AMPH: variants seen among roughly 807,000 people sequenced by gnomAD.
The protein encoded by AMPH is amphiphysin (Stiff-Mann syndrome with breast cancer 128kD autoantigen).
In AMPH, 49 loss-of-function variants were observed where a neutral mutation model predicts 99.1. That is an observed-to-expected ratio of 0.49 (90% CI 0.39 to 0.63). AMPH has a LOEUF of 0.63. AMPH is among the 20% of genes least tolerant of loss of function. AMPH has a pLI of 0.00. For missense variants in AMPH, 759 were observed against 863.4 expected, an observed-to-expected ratio of 0.88 and a Z score of 1.52; for synonymous variants, 314 against 317.3, an observed-to-expected ratio of 0.99 and a Z score of 0.11.
chr7:38,429,984 G>A, intron 13 of AMPH, 119 bp from the exon 14 acceptor site: 1 of 965,114 alleles, frequency 1.0e-6, no homozygotes, highest in Non-Finnish European at 1.5e-6. Context: ...ACTGGTTTAG[G>A]AACAAATTTT....
intron 1 of AMPH, among the ~76,000 whole-genome samples, chr7:38,575,737 G>C (rs908443546): frequency 2.0e-5 from 3 of 152,164 alleles, no homozygotes; most frequent in Non-Finnish European, 4.4e-5. Flanking sequence ...GTCTTGGGCA[G>C]TTCTTTATAG....
chr7:38,392,046 C>G, intron 18 of AMPH, 29 bp from the exon 19 acceptor site: 1 of 1,597,182 alleles, frequency 6.3e-7, no homozygotes, highest in East Asian at 2.2e-5. Flanking sequence ...TGGCGATGCC[C>G]GGCAGGGCCT....
intron 1 of AMPH, among the ~76,000 whole-genome samples, chr7:38,587,819 A>C (rs182263492): frequency 2.6e-5 from 4 of 152,102 alleles, no homozygotes; most frequent in African/African-American, 9.7e-5. Context: ...CCTAACCTAC[A>C]GTATTTACTC....
chr7:38,581,152 G>A (rs1792442562), intron 1 of AMPH, among the ~76,000 whole-genome samples: 1 of 151,982 alleles, frequency 6.6e-6, no homozygotes, highest in South Asian at 2.1e-4. Context: ...AGCTGTGGTT[G>A]GAAAATGAGA....
chr7:38,448,971 A>G (rs1424391851), intron 11 of AMPH, among the ~76,000 whole-genome samples: 1 of 152,154 alleles, frequency 6.6e-6, no homozygotes. Flanking sequence ...GCTTTTACAT[A>G]TATTATGACT....
chr7:38,428,790 A>C (rs1785883923), intron 14 of AMPH: 1 of 459,950 alleles, frequency 2.2e-6, no homozygotes, highest in Non-Finnish European at 4.3e-6. Context: ...TCTGTCACTA[A>C]GTTCTTTTGC....
At chr7:38,516,756 C>T (rs943767387) in intron 2 of AMPH, among the ~76,000 whole-genome samples, 10 of 152,144 alleles carry the variant, frequency 6.6e-5, no homozygotes, top group South Asian at 2.1e-4. Flanking sequence ...CAACACCAGC[C>T]GATGAAAGCA....
intron 5 of AMPH, 71 bp from the exon 6 acceptor site, chr7:38,477,040 C>A: frequency 7.2e-7 from 1 of 1,380,666 alleles, no homozygotes; most frequent in Non-Finnish European, 1.0e-6. Context: ...AGCCAGGTGC[C>A]AAAATGCTTT....
intron 2 of AMPH, among the ~76,000 whole-genome samples, chr7:38,515,205 C>T (rs758738069): frequency 2.6e-5 from 4 of 152,096 alleles, no homozygotes; most frequent in East Asian, 1.9e-4. Flanking sequence ...CCATGCCCAG[C>T]GGACTTTATG....
chr7:38,580,146 T>C (rs371060632), intron 1 of AMPH, among the ~76,000 whole-genome samples: 7 of 152,334 alleles, frequency 4.6e-5, no homozygotes, highest in African/African-American at 1.7e-4. Context: ...TGCTTAATTA[T>C]AAGACTTTTC....
chr7:38,546,198 T>C (rs1215818894), intron 1 of AMPH, among the ~76,000 whole-genome samples: 1 of 152,218 alleles, frequency 6.6e-6, no homozygotes. Flanking sequence ...AGGCTGCCTA[T>C]GTCAGAGCAC....
chr7:38,581,055 T>C (rs1440075858), intron 1 of AMPH, among the ~76,000 whole-genome samples: 1 of 152,090 alleles, frequency 6.6e-6, no homozygotes, highest in Non-Finnish European at 1.5e-5. Flanking sequence ...AAATATTTAC[T>C]AATACTCTAG....
At chr7:38,519,175 T>G (rs982354323) in intron 2 of AMPH, among the ~76,000 whole-genome samples, 1 of 152,246 alleles carries the variant, frequency 6.6e-6, no homozygotes, top group African/African-American at 2.4e-5. Flanking sequence ...CTTCCCAGCC[T>G]CCAGAACTGT....
At chr7:38,543,150 G>A (rs1358269782) in intron 1 of AMPH, among the ~76,000 whole-genome samples, 1 of 152,006 alleles carries the variant, frequency 6.6e-6, no homozygotes, top group Non-Finnish European at 1.5e-5. Flanking sequence ...TCAGCTACTT[G>A]GGAGGCTGAG....
At chr7:38,533,614 AGG>A (rs1283456010) in intron 2 of AMPH, among the ~76,000 whole-genome samples, 4 of 152,240 alleles carry the variant, frequency 2.6e-5, no homozygotes, top group African/African-American at 9.6e-5. Flanking sequence ...CTCCAAGGTC[AGG>A]AGCAAAGGGA....
At chr7:38,438,081 C>T (rs17171348) in intron 11 of AMPH, among the ~76,000 whole-genome samples, 4,568 of 152,150 alleles carry the variant, frequency 0.03, 204 homozygotes, top group African/African-American at 0.1. Context: ...TTGTTTTTCC[C>T]CAACTTTTAT....
intron 1 of AMPH, among the ~76,000 whole-genome samples, chr7:38,567,278 C>T (rs1416810995): frequency 6.6e-6 from 1 of 152,148 alleles, no homozygotes; most frequent in Admixed American, 6.5e-5. Flanking sequence ...TCTCAGCAAA[C>T]TATCACAAGG....
rs759397262 is a variant in AMPH at position 38,525,275 on chromosome 7, T to G, written c.150+9656A>C. On this transcript the variant is annotated intron_variant, in intron 2 of 20. Coordinates refer to ENST00000356264, the MANE Select transcript of AMPH (RefSeq NM_001635.4). Reference sequence around the variant, plus strand: ...GTGTGTGTGTATATATATATATATATATAGAGAGAGAGAGAGAGAGAGAGA... The same window carrying G: ...GTGTGTGTGTATATATATATATATAGATAGAGAGAGAGAGAGAGAGAGAGA... Among the ~76,000 whole-genome samples, 716 of 86,194 alleles carry G rather than the reference T, an allele frequency of 8.3e-3. 4 individuals are homozygous for G. Among genetic ancestry groups the G allele is most frequent in the East Asian group, 0.013 (42 of 3,360 alleles). 56.5% of individuals were successfully genotyped at this position (86,194 alleles called of 152,430 possible).
intron 15 of AMPH, among the ~76,000 whole-genome samples, chr7:38,425,947 GACAGAGCCTATC>G (rs1364424290): frequency 6.6e-6 from 1 of 152,150 alleles, no homozygotes; most frequent in Non-Finnish European, 1.5e-5. Flanking sequence ...AGAAATTGAT[GACAGAGCCTATC>G]ATAACCTTTC....
Sources: allele counts gnomAD v4.1 joint callset (sites outside exome capture counted in the v4.1 genomes callset), GRCh38; gene constraint gnomAD v4.1.1; transcripts MANE v1.5; gene names NCBI Gene and HGNC (gene_info 2026-07-23, HGNC 2026-07-21).